Variants in PTGFRN observed in about 807,000 individuals in gnomAD.
PTGFRN encodes prostaglandin F2 receptor negative regulator.
In PTGFRN, 35 loss-of-function variants were observed where a neutral mutation model predicts 83.2. That is an observed-to-expected ratio of 0.42 (90% confidence interval 0.32 to 0.56). The LOEUF is 0.56. PTGFRN is among the 20% of genes least tolerant of loss of function. PTGFRN has a pLI of 0.11. For missense variants in PTGFRN, 1,051 were observed against 1,179.5 expected, an observed-to-expected ratio of 0.89 and a Z score of 1.60; for synonymous variants, 519 against 498.6, an observed-to-expected ratio of 1.04 and a Z score of -0.55.
chr1:116,944,988 G>A lies in PTGFRN; in HGVS notation c.728G>A (p.Gly243Asp). The change falls in exon 3 of 9, where the codon GGC becomes GAC. Residue 243 changes from glycine to aspartate, a missense_variant. Gly to Asp is a moderately conservative substitution (Grantham distance 94). Transcript: ENST00000393203. ...SVSRALSADQ[G>D]SYRCIVSEWI... ...TCCCGGGCTCTGTCTGCCGACCAGGGCTCCTACAGGTGTATCGTCAGCGAG... is the reference window on the plus strand; with the variant it reads ...TCCCGGGCTCTGTCTGCCGACCAGGACTCCTACAGGTGTATCGTCAGCGAG... 6.2e-7 allele frequency: 1 copy of A among 1,613,852 alleles called. No homozygotes were observed. The highest frequency in any genetic ancestry group is 8.5e-7 in the Non-Finnish European group (1 of 1,180,026).
chr1:116,971,575 T>C (rs1650993062), intron 6 of PTGFRN, among the ~76,000 whole-genome samples: 1 of 152,034 alleles, frequency 6.6e-6, no homozygotes, highest in South Asian at 2.1e-4. Flanking sequence ...ATAATGAAAA[T>C]ATTTCTAAGC....
Position 116,922,106 on chromosome 1 carries a change from A to G in PTGFRN, c.49+11854A>G, listed in dbSNP as rs151129817. Reference sequence around the variant, plus strand: ...AATGTGAGCAAAGTCACCCTGAAAGATGTTGGCAGCATCACCAGCGCCCAC... The same window carrying G: ...AATGTGAGCAAAGTCACCCTGAAAGGTGTTGGCAGCATCACCAGCGCCCAC... On this transcript the variant is annotated intron_variant, in intron 1 of 8. Transcript: ENST00000393203. Among the ~76,000 whole-genome samples the G allele has an allele frequency of 1.0e-2, 1,517 of 152,216 alleles. 34 individuals are homozygous for G. Among genetic ancestry groups the G allele is most frequent in the African/African-American group, 0.035 (1,458 of 41,526 alleles).
intron 6 of PTGFRN, 47 bp downstream of exon 6, chr1:116,967,377 CT>C: frequency 6.5e-7 from 1 of 1,547,834 alleles, no homozygotes; most frequent in African/African-American, 1.4e-5. Flanking sequence ...AGAAGAGACC[CT>C]AGGGTTTTGA....
At chr1:116,929,003 T>C (rs987627661) in intron 1 of PTGFRN, among the ~76,000 whole-genome samples, 4 of 152,166 alleles carry the variant, frequency 2.6e-5, no homozygotes, top group Admixed American at 6.5e-5. Flanking sequence ...TCCAGCTGCC[T>C]ACTCCACTGC....
intron 1 of PTGFRN, among the ~76,000 whole-genome samples, chr1:116,933,532 T>A (rs1379147673): frequency 6.6e-6 from 1 of 152,212 alleles, no homozygotes; most frequent in African/African-American, 2.4e-5. Context: ...TTCTTTCTGT[T>A]GCTCACTTTG....
At chr1:116,969,694 C>T (rs1310087226) in intron 6 of PTGFRN, among the ~76,000 whole-genome samples, 1 of 152,120 alleles carries the variant, frequency 6.6e-6, no homozygotes, top group Non-Finnish European at 1.5e-5. Flanking sequence ...GAAAGCATTG[C>T]CATTTAACAA....
intron 7 of PTGFRN, among the ~76,000 whole-genome samples, chr1:116,982,678 C>A (rs1262241755): frequency 1.3e-5 from 2 of 152,138 alleles, no homozygotes; most frequent in Non-Finnish European, 2.9e-5. Context: ...GAATTCAGAG[C>A]AAGTCCACCT....
intron 1 of PTGFRN, among the ~76,000 whole-genome samples, chr1:116,933,943 A>C (rs544877494): frequency 1.3e-5 from 2 of 152,268 alleles, no homozygotes; most frequent in African/African-American, 4.8e-5. Context: ...TTTAAGAAAA[A>C]TCTTAGCCAT....
chr1:116,937,254 G>A (rs543868324), intron 1 of PTGFRN, among the ~76,000 whole-genome samples: 7 of 152,250 alleles, frequency 4.6e-5, no homozygotes, highest in Non-Finnish European at 1.0e-4. Flanking sequence ...GCCAGGTCCT[G>A]TAAGGATTGC....
At chr1:116,970,329 A>C (rs1650958819) in intron 6 of PTGFRN, among the ~76,000 whole-genome samples, 1 of 150,656 alleles carries the variant, frequency 6.6e-6, no homozygotes, top group African/African-American at 2.5e-5. Flanking sequence ...TAGTTTGTTG[A>C]GTATTTTTGT....
chr1:116,946,864 G>A (rs1370366735), intron 3 of PTGFRN, among the ~76,000 whole-genome samples: 1 of 152,194 alleles, frequency 6.6e-6, no homozygotes, highest in African/African-American at 2.4e-5. Flanking sequence ...TTGATAATAA[G>A]ATAGTGGCAG....
At chr1:116,972,532 G>T (rs554519823) in intron 6 of PTGFRN, among the ~76,000 whole-genome samples, 8 of 152,272 alleles carry the variant, frequency 5.3e-5, no homozygotes, top group African/African-American at 1.9e-4. Flanking sequence ...TACTCCCTCT[G>T]TCATGGCCAT....
Position 116,944,667 on chromosome 1 carries a change from C to G in PTGFRN, c.419-12C>G, listed in dbSNP as rs1650140738. On this transcript the variant is annotated splice_polypyrimidine_tract_variant and intron_variant, in intron 2 of 8. Coordinates refer to ENST00000393203, the MANE Select transcript of PTGFRN (RefSeq NM_020440.4). The stretch of plus-strand genomic sequence containing the variant: ...GTGGACGGGCTACTGACCTAGCTTT[C>G]TCTCTCCGCAGTGCTGGCCGACTCC... 1.4e-6 allele frequency: 2 copies of G among 1,408,032 alleles called. No individual in the cohort carries two copies. The highest frequency in any genetic ancestry group is 1.9e-6 in the Non-Finnish European group (2 of 1,080,840). The allele number at this position is 1,408,032 out of a possible 1,614,324, so 87.2% of individuals were successfully genotyped here.
chr1:116,945,940 G>C (rs1171322791), intron 3 of PTGFRN, among the ~76,000 whole-genome samples: 3 of 152,116 alleles, frequency 2.0e-5, no homozygotes, highest in Non-Finnish European at 4.4e-5. Context: ...TTTGAGGCTT[G>C]TTCCCAGGCC....
intron 2 of PTGFRN, among the ~76,000 whole-genome samples, chr1:116,943,902 T>C (rs567447942): frequency 5.6e-4 from 85 of 152,306 alleles, no homozygotes; most frequent in African/African-American, 2.0e-3. Context: ...TGGATAAGCC[T>C]GATAGATTTT....
At chr1:116,957,647 C>T (rs1650536454) in intron 4 of PTGFRN, among the ~76,000 whole-genome samples, 1 of 152,158 alleles carries the variant, frequency 6.6e-6, no homozygotes, top group South Asian at 2.1e-4. Flanking sequence ...GATCTGTTCT[C>T]TTAGCAGTTT....
intron 1 of PTGFRN, among the ~76,000 whole-genome samples, chr1:116,934,110 T>C (rs974879332): frequency 2.0e-5 from 3 of 152,138 alleles, no homozygotes; most frequent in Non-Finnish European, 2.9e-5. Flanking sequence ...TGGATAACTT[T>C]TACTGACTTT....
intron 7 of PTGFRN, among the ~76,000 whole-genome samples, chr1:116,975,969 C>T (rs917734425): frequency 1.3e-5 from 2 of 152,018 alleles, no homozygotes; most frequent in Non-Finnish European, 1.5e-5. Context: ...AAGCTAAAAA[C>T]GTTGAAAAAA....
At chr1:116,928,739 CT>C (rs1313262683) in intron 1 of PTGFRN, among the ~76,000 whole-genome samples, 1 of 152,134 alleles carries the variant, frequency 6.6e-6, no homozygotes, top group African/African-American at 2.4e-5. Flanking sequence ...CTCCTTTCTA[CT>C]ATTTTACTGA....
Sources: gnomAD v4.1 joint callset for allele counts (sites outside exome capture counted in the v4.1 genomes callset) on GRCh38, gnomAD v4.1.1 for gene constraint, MANE v1.5 for transcripts, NCBI Gene and HGNC (gene_info 2026-07-23, HGNC 2026-07-21) for gene names.